Variants in HAO1 observed in about 807,000 individuals in gnomAD.
HAO1 encodes the protein hydroxyacid oxidase 1, also known as 2-Hydroxyacid oxidase 1.
A neutral mutation model predicts 39.7 loss-of-function variants in HAO1; 34 were observed. The observed-to-expected ratio is 0.86, with a 90% CI of 0.65 to 1.14. The LOEUF is 1.14. Among genes scored for constraint, HAO1 ranks in the 50% most tolerant of loss-of-function variants. HAO1 has a pLI of 0.00. For synonymous variants in HAO1, 172 were observed against 173.2 expected (o/e 0.99, Z 0.05); for missense variants, 479 against 464.5 (o/e 1.03, Z -0.29).
At chr20:7,934,292 T>C (rs1210197399) in intron 2 of HAO1, among the ~76,000 whole-genome samples, 192 bp downstream of exon 2, 1 of 152,164 alleles carries the variant, frequency 6.6e-6, no homozygotes. Context: ...AGAGAGGATA[T>C]CTTGCCCAGT....
At chr20:7,906,723 T>C (rs1264765368) in intron 3 of HAO1, among the ~76,000 whole-genome samples, 1 of 151,654 alleles carries the variant, frequency 6.6e-6, no homozygotes, top group Non-Finnish European at 1.5e-5. Context: ...TGCATTATAA[T>C]TTACAAAGGG....
At chr20:7,936,568 G>T (rs2050413279) in intron 1 of HAO1, among the ~76,000 whole-genome samples, 1 of 148,888 alleles carries the variant, frequency 6.7e-6, no homozygotes, top group African/African-American at 2.5e-5. Flanking sequence ...GCGCGCGCGT[G>T]CGTGCCAAAA....
chr20:7,912,596 T>G (rs1600113674), intron 3 of HAO1, among the ~76,000 whole-genome samples: 1 of 149,566 alleles, frequency 6.7e-6, no homozygotes, highest in Admixed American at 6.7e-5. Context: ...AAAAAAAAAG[T>G]AGTCAAAATA....
chr20:7,906,114 C>T, intron 4 of HAO1, 40 bp downstream of exon 4: 1 of 1,395,396 alleles, frequency 7.2e-7, no homozygotes, highest in Non-Finnish European at 1.0e-6. Context: ...CACAAAGGAT[C>T]ACAAAGTCAG....
chr20:7,935,794 T>C (rs538377648), intron 1 of HAO1, among the ~76,000 whole-genome samples: 2 of 152,336 alleles, frequency 1.3e-5, no homozygotes, highest in African/African-American at 2.4e-5. Context: ...CCTATTTGTT[T>C]TGATTTATTA....
chr20:7,927,092 C>T (rs762297117), intron 2 of HAO1, among the ~76,000 whole-genome samples: 9 of 151,964 alleles, frequency 5.9e-5, no homozygotes, highest in Non-Finnish European at 1.2e-4. Flanking sequence ...CAAGTAGCTC[C>T]ATGAAAGATG....
At chr20:7,894,726 G>A (rs1382453641) in intron 5 of HAO1, among the ~76,000 whole-genome samples, 1 of 152,088 alleles carries the variant, frequency 6.6e-6, no homozygotes, top group Non-Finnish European at 1.5e-5. Flanking sequence ...TGTCTCAATT[G>A]TACTGATGAT....
At chr20:7,926,640 T>C (rs1270849772) in intron 2 of HAO1, among the ~76,000 whole-genome samples, 1 of 152,178 alleles carries the variant, frequency 6.6e-6, no homozygotes, top group Non-Finnish European at 1.5e-5. Flanking sequence ...TACACCCTAA[T>C]GCAGTCATCT....
chr20:7,892,305 G>A (rs1222495063), intron 5 of HAO1, among the ~76,000 whole-genome samples: 4 of 152,066 alleles, frequency 2.6e-5, no homozygotes, highest in African/African-American at 7.2e-5. Flanking sequence ...GGCTGCTCTC[G>A]AAATCCTGGC....
chr20:7,913,487 C>G (rs1208031243), intron 3 of HAO1, among the ~76,000 whole-genome samples: 1 of 152,190 alleles, frequency 6.6e-6, no homozygotes, highest in Non-Finnish European at 1.5e-5. Flanking sequence ...GAGACTTCCA[C>G]TCAGTTTCCA....
At chr20:7,909,795 A>G (rs2050268781) in intron 3 of HAO1, among the ~76,000 whole-genome samples, 1 of 152,180 alleles carries the variant, frequency 6.6e-6, no homozygotes, top group African/African-American at 2.4e-5. Flanking sequence ...TTGGGAAACA[A>G]AAAAATAACA....
intron 1 of HAO1, among the ~76,000 whole-genome samples, chr20:7,937,955 C>T (rs1290874973): frequency 6.6e-6 from 1 of 152,016 alleles, no homozygotes; most frequent in African/African-American, 2.4e-5. Context: ...GGTCCATGTC[C>T]CCAGAACTCC....
chr20:7,899,461 A>T (rs551943400), intron 4 of HAO1, among the ~76,000 whole-genome samples: 4 of 152,166 alleles, frequency 2.6e-5, no homozygotes, highest in Non-Finnish European at 5.9e-5. Context: ...TTCTGTTTAT[A>T]ACAGTTTTAT....
At chr20:7,891,356 T>A (rs1357260195) in intron 5 of HAO1, among the ~76,000 whole-genome samples, 1 of 152,226 alleles carries the variant, frequency 6.6e-6, no homozygotes, top group Non-Finnish European at 1.5e-5. Flanking sequence ...TTGAGAATTG[T>A]CTATTCATGT....
chr20:7,885,887 A>T (rs1237937691), intron 5 of HAO1, 23 bp from the exon 6 acceptor site: 7 of 1,596,878 alleles, frequency 4.4e-6, no homozygotes, highest in Non-Finnish European at 6.0e-6. Context: ...AAGTTCAATA[A>T]TGTGACTCTA....
chr20:7,915,689 T>C (rs375115990), intron 2 of HAO1, among the ~76,000 whole-genome samples: 142 of 152,324 alleles, frequency 9.3e-4, no homozygotes, highest in African/African-American at 3.2e-3. Context: ...TTAATTCTGT[T>C]TCTCTGGAGA....
chr20:7,937,184 T>C (rs531987547), intron 1 of HAO1, among the ~76,000 whole-genome samples: 1 of 152,252 alleles, frequency 6.6e-6, no homozygotes, highest in East Asian at 1.9e-4. Context: ...AATCAAATGA[T>C]ATATACACTC....
intron 5 of HAO1, among the ~76,000 whole-genome samples, chr20:7,892,399 T>C (rs1318124678): frequency 6.6e-6 from 1 of 152,212 alleles, no homozygotes; most frequent in Non-Finnish European, 1.5e-5. Context: ...TCCTACAATA[T>C]ACAAAGACTT....
chr20:7,918,520 T>C (rs1039358833), intron 2 of HAO1, among the ~76,000 whole-genome samples: 1 of 152,174 alleles, frequency 6.6e-6, no homozygotes, highest in Non-Finnish European at 1.5e-5. Flanking sequence ...CTCTTCAATA[T>C]GTCGTTGTGC....
Sources: gnomAD v4.1 joint callset for allele counts (sites outside exome capture counted in the v4.1 genomes callset) on GRCh38, gnomAD v4.1.1 for gene constraint, MANE v1.5 for transcripts, NCBI Gene and HGNC (gene_info 2026-07-23, HGNC 2026-07-21) for gene names.